TXNRD2: variants seen among roughly 807,000 people sequenced by gnomAD.
TXNRD2 encodes the protein thioredoxin reductase 2, mitochondrial.
Under a neutral mutation model 70.8 loss-of-function variants are expected in TXNRD2, and 67 were observed. That is an observed-to-expected ratio of 0.95 (90% CI 0.78 to 1.16). TXNRD2 has a LOEUF of 1.16. Ranked by LOEUF, TXNRD2 falls within the 50% of genes most tolerant of loss-of-function variation. The pLI, the probability that TXNRD2 is intolerant of heterozygous loss-of-function variation, is 0.00. For missense variants in TXNRD2, 644 were observed against 719.9 expected (o/e 0.89, Z 1.21); for synonymous variants, 301 against 295.8 (o/e 1.02, Z -0.18).
At chr22:19,880,499 A>G in intron 13 of TXNRD2, 123 bp downstream of exon 13, 1 of 936,498 alleles carries the variant, frequency 1.1e-6, no homozygotes, top group Non-Finnish European at 1.7e-6. Context: ...ACATAAGCGC[A>G]CACACACGCA....
intron 9 of TXNRD2, 88 bp downstream of exon 9, chr22:19,898,961 C>A: frequency 6.5e-7 from 1 of 1,545,632 alleles, no homozygotes; most frequent in Non-Finnish European, 8.8e-7. Context: ...CAGCAAAGAG[C>A]CTGCCGGAAG....
Position 19,917,698 on chromosome 22 carries a change from C to T in TXNRD2, c.449+445G>A, listed in dbSNP as rs141890146. 4.7e-3 allele frequency among the ~76,000 whole-genome samples: 716 copies of T among 152,252 alleles called. 11 individuals are homozygous for T. Among genetic ancestry groups the T allele is most frequent in the African/African-American group, 0.017 (686 of 41,544 alleles). On this transcript the variant is annotated intron_variant, in intron 5 of 17. Transcript: ENST00000400521. Reference sequence around the variant, plus strand: ...GACCAAGTAGGGACATTTGCTCCAGCGGAAAGCACCAAGCTCCTGCACCCA... The same window carrying T: ...GACCAAGTAGGGACATTTGCTCCAGTGGAAAGCACCAAGCTCCTGCACCCA...
intron 8 of TXNRD2, among the ~76,000 whole-genome samples, chr22:19,902,740 G>T (rs181851116): frequency 9.8e-5 from 15 of 152,324 alleles, no homozygotes; most frequent in Admixed American, 9.8e-4. Context: ...GAGGTGGCGG[G>T]GGCTTTGCAG....
chr22:19,939,175 C>T (rs1190357771), intron 1 of TXNRD2, among the ~76,000 whole-genome samples: 1 of 147,516 alleles, frequency 6.8e-6, no homozygotes, highest in African/African-American at 2.6e-5. Flanking sequence ...AAGAGACGTT[C>T]GCGTCAGAGA....
intron 8 of TXNRD2, 194 bp downstream of exon 8, chr22:19,911,183 C>A (rs576720035): frequency 1.3e-5 from 9 of 688,210 alleles, no homozygotes; most frequent in South Asian, 1.2e-4. Context: ...GCAATCCTCC[C>A]GCTCAGTCTC....
intron 5 of TXNRD2, chr22:19,916,057 G>A (rs1940625679): frequency 1.8e-6 from 1 of 555,922 alleles, no homozygotes; most frequent in East Asian, 3.2e-5. Context: ...CCAGGGACAT[G>A]TTAACCACAG....
chr22:19,927,333 C>G (rs372860309), intron 2 of TXNRD2, among the ~76,000 whole-genome samples: 1 of 151,988 alleles, frequency 6.6e-6, no homozygotes, highest in African/African-American at 2.4e-5. Flanking sequence ...TCAGCAAGTT[C>G]CAAATCTGTA....
chr22:19,877,965 C>T (rs1457734012), intron 16 of TXNRD2, 125 bp downstream of exon 16: 2 of 840,540 alleles, frequency 2.4e-6, no homozygotes, highest in Non-Finnish European at 4.0e-6. Context: ...GGAATCTCTG[C>T]TGCAAACCCA....
chr22:19,893,972 C>T (rs1939379531), intron 11 of TXNRD2: 1 of 152,236 alleles, frequency 6.6e-6, no homozygotes. Context: ...CACCCATGTT[C>T]ACAGCAGCAT....
intron 8 of TXNRD2, among the ~76,000 whole-genome samples, chr22:19,906,232 T>C (rs73877398): frequency 0.035 from 5,281 of 152,214 alleles, 134 homozygotes; most frequent in South Asian, 0.086. Context: ...TCATCTCAAA[T>C]GAGGCTGTGA....
At chr22:19,925,232 T>C (rs533537800) in intron 2 of TXNRD2, among the ~76,000 whole-genome samples, 24 of 151,872 alleles carry the variant, frequency 1.6e-4, no homozygotes, top group East Asian at 5.8e-4. Context: ...TGCAGTGAGC[T>C]GAGATCGCAC....
rs144584524 is a variant in TXNRD2 at position 19,895,540 on chromosome 22, G to A, written c.816C>T (p.Gly272=). The A allele has an allele frequency of 2.8e-3, 4,448 of 1,613,244 alleles. 9 individuals are homozygous for A. The highest frequency in any genetic ancestry group is 3.4e-3 in the Non-Finnish European group (3,979 of 1,180,032). Residue 272 remains glycine, a synonymous_variant, in exon 11 of 18, where the codon GGC becomes GGT. Coordinates refer to ENST00000400521, the MANE Select transcript of TXNRD2 (RefSeq NM_006440.5). ...SMVIEHMASH[G]TRFLRGCAPS... ...GGGCACAGCCCCTCAGGAACCGGGT[G>A]CCATGAGATGCCATGTGCTCTATGA...
rs376291530 is a variant in TXNRD2 at position 19,926,225 on chromosome 22, C to A, written c.172+4805G>T. 7.1e-4 allele frequency among the ~76,000 whole-genome samples: 102 copies of A among 144,556 alleles called. 3 individuals are homozygous for A. In the South Asian group the frequency reaches 0.021, roughly 30 times the overall value. 94.8% of individuals were successfully genotyped at this position (144,556 alleles called of 152,430 possible). On this transcript the variant is annotated intron_variant, in intron 2 of 17. Coordinates refer to ENST00000400521, the MANE Select transcript of TXNRD2 (RefSeq NM_006440.5). ...TGCGAAGAGGCCAGGCACGGTGGCTCATGCCTGTAATACCGGCACTCTGGG... is the reference window on the plus strand; with the variant it reads ...TGCGAAGAGGCCAGGCACGGTGGCTAATGCCTGTAATACCGGCACTCTGGG...
At chr22:19,880,335 T>A in intron 13 of TXNRD2, 64 bp from the exon 14 acceptor site, 2 of 1,511,110 alleles carry the variant, frequency 1.3e-6, no homozygotes, top group Non-Finnish European at 9.1e-7. Flanking sequence ...CCCCACTGCA[T>A]GTGACACAAA....
chr22:19,877,153 G>A lies in TXNRD2; in HGVS notation c.1527C>T (p.Ile509=). The A allele has an allele frequency of 6.2e-7, 1 of 1,609,908 alleles. No homozygotes were observed. The highest frequency in any genetic ancestry group is 8.5e-7 in the Non-Finnish European group (1 of 1,177,312). The change falls in exon 17 of 18, where the codon ATC becomes ATT. Residue 509 remains isoleucine, a synonymous_variant. Coordinates refer to ENST00000400521, the MANE Select transcript of TXNRD2 (RefSeq NM_006440.5). ...TCSEEVVKLR[I]SKRSGLDPTV... ...TGGGGTCCAGGCCTGAGCGCTTGGA[G>A]ATGCGCAGCTTGACTACCTCCTCAG...
At chr22:19,932,472 A>G (rs1020005685) in intron 1 of TXNRD2, 1 of 1,601,004 alleles carries the variant, frequency 6.2e-7, no homozygotes, top group Non-Finnish European at 8.5e-7. Context: ...GGCAAGGGGC[A>G]GCCAAAAAAG....
rs751310642 is a variant in TXNRD2 at position 19,898,119 on chromosome 22, C to G, written c.694G>C (p.Glu232Gln). Residue 232 changes from glutamate (E) to glutamine (Q), a missense_variant, in exon 10 of 18, where the codon GAG becomes CAG. Coordinates refer to ENST00000400521, the MANE Select transcript of TXNRD2 (RefSeq NM_006440.5). The part of the protein sequence containing the change: ...LVVGASYVAL[E>Q]CAGFLTGIGL... The stretch of plus-strand genomic sequence containing the variant: ...ATCCCGGTGAGGAAGCCAGCACACT[C>G]CAGGGCCACATCTGTGGGGTGCCAG... 2.6e-6 allele frequency: 4 copies of G among 1,562,718 alleles called. No homozygotes were observed. Among genetic ancestry groups the G allele is most frequent in the Non-Finnish European group, 3.5e-6 (4 of 1,153,756 alleles).
Position 19,890,937 on chromosome 22 carries a change from A to G in TXNRD2, c.949+4470T>C, listed in dbSNP as rs8138792. Among the ~76,000 whole-genome samples, 1,192 of 152,086 alleles carry G rather than the reference A, an allele frequency of 7.8e-3. 15 individuals carry two copies. The highest frequency in any genetic ancestry group is 0.027 in the African/African-American group (1,101 of 41,484). On this transcript the variant is annotated intron_variant, in intron 11 of 17. Transcript: ENST00000400521. ...CTCCTGGGCACCGCCAGCCCCCATCATCATCTCCTGGGCACCCCAGTCTCT... is the reference window on the plus strand; with the variant it reads ...CTCCTGGGCACCGCCAGCCCCCATCGTCATCTCCTGGGCACCCCAGTCTCT...
intron 8 of TXNRD2, among the ~76,000 whole-genome samples, chr22:19,902,137 C>T (rs1674713126): frequency 3.3e-5 from 5 of 152,178 alleles, no homozygotes; most frequent in Admixed American, 3.3e-4. Flanking sequence ...TTTGAGGCTG[C>T]AGTAAGCTGC....
Sources: gnomAD v4.1 joint callset for allele counts (sites outside exome capture counted in the v4.1 genomes callset) on GRCh38, gnomAD v4.1.1 for gene constraint, MANE v1.5 for transcripts, NCBI Gene and HGNC (gene_info 2026-07-23, HGNC 2026-07-21) for gene names.